Variants in DNAH10 observed in about 807,000 individuals in gnomAD.
DNAH10 encodes axonemal beta dynein heavy chain 10.
DNAH10 carries 348 observed loss-of-function variants against 506.6 expected under a neutral mutation model. That is an observed-to-expected ratio of 0.69 (90% CI 0.63 to 0.75). The LOEUF (loss-of-function observed/expected upper bound fraction) is 0.75. DNAH10 is among the 30% of genes least tolerant of loss of function. The probability of loss-of-function intolerance (pLI) is 0.00; values close to 1 mark genes in which losing one functional copy is unlikely to be tolerated. For missense variants in DNAH10, 5,179 were observed against 5,787.1 expected, an observed-to-expected ratio of 0.89 and a Z score of 3.41; for synonymous variants, 2,059 against 2,198.6, an observed-to-expected ratio of 0.94 and a Z score of 1.78.
chr12:123,799,458 A>T, intron 14 of DNAH10, 87 bp downstream of exon 14: 1 of 1,494,996 alleles, frequency 6.7e-7, no homozygotes, highest in African/African-American at 1.4e-5. Context: ...GTTGACATTC[A>T]TGAAGTTGGG....
chr12:123,923,842 A>G lies in DNAH10; in HGVS notation c.11586A>G (p.Gln3862=). Residue 3862 remains glutamine (Q), a synonymous_variant, in exon 66 of 79, where the codon CAA becomes CAG. Transcript: ENST00000673944. ...KIEQAEGRVP[Q]EELDFFLKGN... is the part of the protein sequence containing the mutation. Reference sequence around the variant, plus strand: ...AACAAGCAGAAGGGAGAGTCCCTCAAGAAGAACTAGATTTCTTTTTAAAAG... The same window carrying G: ...AACAAGCAGAAGGGAGAGTCCCTCAGGAAGAACTAGATTTCTTTTTAAAAG... 6 of 1,610,880 alleles carry G rather than the reference A, an allele frequency of 3.7e-6. No homozygotes were observed. Among genetic ancestry groups the G allele is most frequent in the South Asian group, 2.2e-5 (2 of 90,002 alleles).
At chr12:123,834,697 C>T (rs777804614) in intron 27 of DNAH10, among the ~76,000 whole-genome samples, 25 of 152,218 alleles carry the variant, frequency 1.6e-4, no homozygotes, top group Non-Finnish European at 2.8e-4. Context: ...TCCCCCAGCA[C>T]CTGGCAACCT....
intron 51 of DNAH10, among the ~76,000 whole-genome samples, chr12:123,883,314 C>G (rs921108336): frequency 2.0e-5 from 3 of 152,236 alleles, no homozygotes; most frequent in Admixed American, 1.3e-4. Flanking sequence ...GTTTTCCATT[C>G]CTACCAGCAG....
chr12:123,926,915 GC>G lies in DNAH10; in HGVS notation c.12105+97del. On this transcript the variant is annotated intron_variant, in intron 69 of 78. Coordinates refer to ENST00000673944, the MANE Select transcript of DNAH10 (RefSeq NM_001372106.1). The surrounding 1 kb of genome is among the most constrained non-coding windows in gnomAD (Gnocchi z 4.1). Reference sequence around the variant, plus strand: ...AACCTGGGTTTAAGCTGAGTGCCACGCCACAAATCAGTTGGATGCATTTCCG... The same window carrying G: ...AACCTGGGTTTAAGCTGAGTGCCACGCACAAATCAGTTGGATGCATTTCCG... 1 of 1,377,890 alleles carries G rather than the reference GC, an allele frequency of 7.3e-7. No homozygotes were observed. Among genetic ancestry groups the G allele is most frequent in the Non-Finnish European group, 9.8e-7 (1 of 1,015,728 alleles). The allele number at this position is 1,377,890 out of a possible 1,614,324, so 85.4% of individuals were successfully genotyped here.
intron 44 of DNAH10, 150 bp downstream of exon 44, chr12:123,870,635 C>A (rs1210606836): frequency 1.2e-5 from 14 of 1,211,526 alleles, no homozygotes; most frequent in Non-Finnish European, 1.6e-5. Flanking sequence ...AGCTGTGGGC[C>A]CTCCTGGGCA....
rs764625697 is a variant in DNAH10, at chr12:123,804,895, C to A, written c.2842C>A (p.Arg948=). Residue 948 remains arginine (R), a synonymous_variant, in exon 18 of 79, where the codon CGG becomes AGG. Coordinates refer to ENST00000673944, the MANE Select transcript of DNAH10 (RefSeq NM_001372106.1). ...ERASDVDHMV[R]WYLAIGPLLT... is the part of the protein sequence containing the mutation. ...GGCCAGCGACGTGGACCACATGGTCCGGTGGTATCTTGCCATTGGACCACT... is the reference window on the plus strand; with the variant it reads ...GGCCAGCGACGTGGACCACATGGTCAGGTGGTATCTTGCCATTGGACCACT... 6.2e-7 allele frequency: 1 copy of A among 1,613,716 alleles called. No individual in the cohort carries two copies. The highest frequency in any genetic ancestry group is 8.5e-7 in the Non-Finnish European group (1 of 1,180,040).
intron 57 of DNAH10, among the ~76,000 whole-genome samples, chr12:123,904,209 A>C (rs1172857580): frequency 6.6e-6 from 1 of 152,174 alleles, no homozygotes; most frequent in African/African-American, 2.4e-5. Context: ...AGAAGTCATT[A>C]GTTCAGTGTT....
chr12:123,913,190 A>G lies in DNAH10; in HGVS notation c.10227A>G (p.Thr3409=), dbSNP rs1030919232. The G allele has an allele frequency of 1.1e-5, 17 of 1,610,910 alleles. No homozygotes were observed. Among genetic ancestry groups the G allele is most frequent in the Non-Finnish European group, 1.3e-5 (15 of 1,178,938 alleles). Residue 3409 remains threonine, a synonymous_variant, in exon 60 of 79, where the codon ACA becomes ACG. Coordinates refer to ENST00000673944, the MANE Select transcript of DNAH10 (RefSeq NM_001372106.1). This position sits in a 1 kb window ranked among gnomAD's most constrained non-coding sequence, Gnocchi z 5.1. The part of the protein sequence containing the change: ...ELAAIQKELE[T]LGAKYEAAIL... ...CAGCAATTCAGAAAGAGCTGGAAAC[A>G]TTGGGTGCCAAATATGAGGCCGCCA...
At chr12:123,836,568 C>T (rs1186444502) in intron 28 of DNAH10, among the ~76,000 whole-genome samples, 7 of 152,328 alleles carry the variant, frequency 4.6e-5, no homozygotes, top group Middle Eastern at 6.8e-3. Context: ...ACCCAGCTCT[C>T]CTGCTCTCAA....
chr12:123,766,372 AATG>A (rs1957050859), intron 1 of DNAH10, among the ~76,000 whole-genome samples: 1 of 152,110 alleles, frequency 6.6e-6, no homozygotes, highest in African/African-American at 2.4e-5. Flanking sequence ...TTCTCTCTAT[AATG>A]ATAATATATG....
chr12:123,879,582 A>G, intron 49 of DNAH10, 52 bp from the exon 50 acceptor site: 1 of 1,604,392 alleles, frequency 6.2e-7, no homozygotes, highest in South Asian at 1.1e-5. Flanking sequence ...AGCAAGTTTC[A>G]GGCCGTGTAC....
rs774959311 is a variant in DNAH10 at position 123,879,357 on chromosome 12, G to A, written c.8466G>A (p.Leu2822=). Residue 2822 remains leucine, a splice_region_variant and synonymous_variant, in exon 49 of 79, where the codon CTG becomes CTA. Transcript: ENST00000673944. ...TGATCAGTGAAACAGACAAGCAGCT[G>A]GTCAGTACATCCAATGCTTCTTCTC... The part of the protein sequence containing the change: ...DRLISETDKQ[L]VQQHIGSLVV... 1.2e-5 allele frequency: 18 copies of A among 1,562,182 alleles called. No homozygotes were observed. In the Admixed American group the frequency reaches 3.5e-4, roughly 30 times the overall value.
At chr12:123,843,556 T>G (rs1273062261) in intron 30 of DNAH10, among the ~76,000 whole-genome samples, 1 of 151,952 alleles carries the variant, frequency 6.6e-6, no homozygotes, top group Non-Finnish European at 1.5e-5. Context: ...ATGTTATTTT[T>G]ATTGCTTTTC....
chr12:123,771,104 C>T (rs571885146), intron 2 of DNAH10, among the ~76,000 whole-genome samples: 4 of 151,340 alleles, frequency 2.6e-5, no homozygotes, highest in East Asian at 1.9e-4. Flanking sequence ...CGAGTAGCTG[C>T]GATTACAGGC....
chr12:123,924,200 G>C (rs1450299102), intron 66 of DNAH10, 78 bp from the exon 67 acceptor site: 1 of 1,480,780 alleles, frequency 6.8e-7, no homozygotes, highest in African/African-American at 1.4e-5. Context: ...TTTCCCAAAA[G>C]TGGGAGAAGT....
intron 29 of DNAH10, among the ~76,000 whole-genome samples, chr12:123,840,050 G>C (rs1950712199): frequency 6.6e-6 from 1 of 151,932 alleles, no homozygotes; most frequent in Non-Finnish European, 1.5e-5. Flanking sequence ...TTTGGGGCTG[G>C]ATGACTCTTT....
chr12:123,781,484 G>A (rs935604900), intron 6 of DNAH10, among the ~76,000 whole-genome samples, 185 bp downstream of exon 6: 5 of 151,938 alleles, frequency 3.3e-5, no homozygotes, highest in Non-Finnish European at 5.9e-5. Flanking sequence ...TTTTTGTTTT[G>A]AGACAGAGCC....
In DNAH10 at chr12:123,933,366, G is replaced by C; in HGVS notation, c.13332G>C (p.Ser4444=). 6.2e-7 allele frequency: 1 copy of C among 1,603,422 alleles called. No homozygotes were observed. ...TESEPSVMWL[S]GLHIPESYLT... Reference sequence around the variant, plus strand: ...GCGAGCCCAGCGTGATGTGGCTCTCGGGGCTGCACATCCCTGAGTCCTACC... The same window carrying C: ...GCGAGCCCAGCGTGATGTGGCTCTCCGGGCTGCACATCCCTGAGTCCTACC... Residue 4444 remains serine (S), a synonymous_variant, in exon 77 of 79, where the codon TCG becomes TCC. Transcript: ENST00000673944.
Position 123,789,871 on chromosome 12 carries a change from A to C in DNAH10, c.1621-56A>C, listed in dbSNP as rs144143768. 7,628 of 1,500,554 alleles carry C rather than the reference A, an allele frequency of 5.1e-3. 41 individuals are homozygous for C. The highest frequency in any genetic ancestry group is 5.5e-3 in the Non-Finnish European group (6,026 of 1,092,038). 93.0% of individuals were successfully genotyped at this position (1,500,554 alleles called of 1,614,324 possible). On this transcript the variant is annotated intron_variant, in intron 10 of 78. Transcript: ENST00000673944. ...CGATATGCTATCCATTTGTAGTTCT[A>C]ATATTCACAGGAAAACCCAAATGTA...
Sources: allele counts gnomAD v4.1 joint callset (sites outside exome capture counted in the v4.1 genomes callset), GRCh38; gene constraint gnomAD v4.1.1; non-coding constraint Gnocchi (gnomAD v3.1); transcripts MANE v1.5; gene names NCBI Gene and HGNC (gene_info 2026-07-23, HGNC 2026-07-21).